The following NCAM1 variants were observed in gnomAD, a reference collection of about 807,000 sequenced individuals.
NCAM1 encodes neural cell adhesion molecule 1.
Under a neutral mutation model 109.8 loss-of-function variants are expected in NCAM1, and 14 were observed. That is an observed-to-expected ratio of 0.13 (90% CI 0.08 to 0.20). The LOEUF (loss-of-function observed/expected upper bound fraction) is 0.20, where lower values mean the gene tolerates loss of function less well. NCAM1 is among the 10% of genes least tolerant of loss of function. The probability of loss-of-function intolerance (pLI) is 1.00; values close to 1 mark genes in which losing one functional copy is unlikely to be tolerated. For synonymous variants in NCAM1, 418 were observed against 442.9 expected (o/e 0.94, Z 0.70); for missense variants, 774 against 1,109.9 (o/e 0.70, Z 4.30).
chr11:113,061,276 T>TA (rs1331534704), intron 1 of NCAM1, among the ~76,000 whole-genome samples: 39 of 150,564 alleles, frequency 2.6e-4, no homozygotes, highest in South Asian at 4.2e-4. Context: ...ATTCTATGTT[T>TA]AAAAAAAAAA....
chr11:112,975,253 A>C (rs1279167429), intron 1 of NCAM1, among the ~76,000 whole-genome samples: 1 of 152,088 alleles, frequency 6.6e-6, no homozygotes, highest in African/African-American at 2.4e-5. Flanking sequence ...TCAGAACAAG[A>C]ACAATTTTAT....
At chr11:113,067,890 G>C (rs541890812) in intron 1 of NCAM1, among the ~76,000 whole-genome samples, 1 of 151,746 alleles carries the variant, frequency 6.6e-6, no homozygotes, top group Admixed American at 6.6e-5. Flanking sequence ...CTCCAAGTAT[G>C]GCATTCATAT....
intron 1 of NCAM1, among the ~76,000 whole-genome samples, chr11:113,126,634 G>T (rs1245797766): frequency 1.3e-5 from 2 of 152,062 alleles, no homozygotes; most frequent in Non-Finnish European, 2.9e-5. Context: ...ACAAATTATC[G>T]AGTTTCTCTT....
At chr11:113,025,501 G>GTGAATGAA (rs556680483) in intron 1 of NCAM1, among the ~76,000 whole-genome samples, 1 of 152,026 alleles carries the variant, frequency 6.6e-6, no homozygotes, top group African/African-American at 2.4e-5. Context: ...ACGTAAAAGA[G>GTGAATGAA]TGAATGAATG....
chr11:112,980,609 GTTTA>G (rs1229993456), intron 1 of NCAM1, among the ~76,000 whole-genome samples: 12 of 151,600 alleles, frequency 7.9e-5, no homozygotes, highest in Non-Finnish European at 1.3e-4. Flanking sequence ...AACCATGAAA[GTTTA>G]TTTATTTATT....
At chr11:113,120,630 G>A (rs1940915718) in intron 1 of NCAM1, among the ~76,000 whole-genome samples, 1 of 152,116 alleles carries the variant, frequency 6.6e-6, no homozygotes, top group African/African-American at 2.4e-5. Context: ...CAAACACCAT[G>A]GCTACAGAAA....
At chr11:113,045,925 A>G (rs1555080717) in intron 1 of NCAM1, among the ~76,000 whole-genome samples, 2 of 152,008 alleles carry the variant, frequency 1.3e-5, no homozygotes, top group African/African-American at 2.4e-5. Context: ...AAATTTTGTC[A>G]TTTAAAGCTC....
chr11:113,114,716 A>T (rs569877889), intron 1 of NCAM1, among the ~76,000 whole-genome samples: 51 of 152,306 alleles, frequency 3.3e-4, no homozygotes, highest in African/African-American at 1.1e-3. Context: ...AATCCTGCCT[A>T]GCCTGTGTGG....
chr11:113,222,654 A>G lies in NCAM1; in HGVS notation c.1089+1329A>G, dbSNP rs146671016. The stretch of plus-strand genomic sequence containing the variant: ...AATTATCAGCCACTCTTAAGCAGCT[A>G]CAGATCTCATTCTGCTTGGCCTCAT... On this transcript the variant is annotated intron_variant, in intron 9 of 19. Coordinates refer to ENST00000316851, the MANE Select transcript of NCAM1 (RefSeq NM_181351.5). Among the ~76,000 whole-genome samples the G allele has an allele frequency of 7.2e-4, 110 of 152,308 alleles. 2 individuals carry two copies. The East Asian group carries it at 0.02, about 28-fold the overall frequency.
chr11:113,264,412 A>C (rs1946090728), intron 17 of NCAM1: 1 of 985,286 alleles, frequency 1.0e-6, no homozygotes, highest in African/African-American at 1.7e-5. Context: ...TCCATGCTGC[A>C]CAGTAGCTCA....
intron 1 of NCAM1, among the ~76,000 whole-genome samples, chr11:113,045,939 G>A (rs1953254383): frequency 1.3e-5 from 2 of 152,052 alleles, no homozygotes; most frequent in African/African-American, 2.4e-5. Context: ...AAAGCTCTGA[G>A]GTGAGATGAA....
chr11:113,080,828 G>A (rs1938777281), intron 1 of NCAM1, among the ~76,000 whole-genome samples: 1 of 152,142 alleles, frequency 6.6e-6, no homozygotes, highest in Non-Finnish European at 1.5e-5. Context: ...AGTTACCAAG[G>A]TAAATGTAAG....
At chr11:113,119,993 G>A (rs1555095716) in intron 1 of NCAM1, among the ~76,000 whole-genome samples, 1 of 152,208 alleles carries the variant, frequency 6.6e-6, no homozygotes, top group Admixed American at 6.5e-5. Context: ...AATTGCTGGA[G>A]GATGAAGATT....
At chr11:113,150,632 G>A (rs556039766) in intron 1 of NCAM1, among the ~76,000 whole-genome samples, 2 of 152,278 alleles carry the variant, frequency 1.3e-5, no homozygotes, top group South Asian at 4.2e-4. Flanking sequence ...AAGACAAACC[G>A]ACATCAGCCA....
intron 15 of NCAM1, among the ~76,000 whole-genome samples, chr11:113,250,562 A>C (rs2137507517): frequency 6.6e-6 from 1 of 152,396 alleles, no homozygotes; most frequent in Non-Finnish European, 1.5e-5. Flanking sequence ...GGTATATATA[A>C]CACAAGTTTC....
At chr11:112,973,058 T>G (rs1285339402) in intron 1 of NCAM1, among the ~76,000 whole-genome samples, 1 of 152,146 alleles carries the variant, frequency 6.6e-6, no homozygotes, top group Non-Finnish European at 1.5e-5. Flanking sequence ...TCATATGAGT[T>G]GATTATTTTT....
intron 1 of NCAM1, among the ~76,000 whole-genome samples, chr11:113,010,723 T>C (rs1952024545): frequency 6.6e-6 from 1 of 152,200 alleles, no homozygotes; most frequent in Non-Finnish European, 1.5e-5. Flanking sequence ...TTAATTTAAT[T>C]AATTTCAAGT....
At chr11:113,158,998 A>G (rs777495561) in intron 1 of NCAM1, among the ~76,000 whole-genome samples, 3 of 152,198 alleles carry the variant, frequency 2.0e-5, no homozygotes, top group Non-Finnish European at 2.9e-5. Flanking sequence ...ATCTCTAGAG[A>G]CCAGTGCTAC....
At chr11:113,109,370 G>A (rs1165965794) in intron 1 of NCAM1, among the ~76,000 whole-genome samples, 6 of 151,032 alleles carry the variant, frequency 4.0e-5, no homozygotes, top group Admixed American at 3.3e-4. Flanking sequence ...AAAAAACAGA[G>A]GAGGGAGGAA....
Sources: gnomAD v4.1 joint callset for allele counts (sites outside exome capture counted in the v4.1 genomes callset) on GRCh38, gnomAD v4.1.1 for gene constraint, MANE v1.5 for transcripts, NCBI Gene and HGNC (gene_info 2026-07-23, HGNC 2026-07-21) for gene names.